Variants in KDM4C observed in about 807,000 individuals in gnomAD.
KDM4C encodes lysine demethylase 4C.
In KDM4C, 81 loss-of-function variants were observed where a neutral mutation model predicts 129.3. That is an observed-to-expected ratio of 0.63 (90% CI 0.52 to 0.75). KDM4C has a LOEUF of 0.75. KDM4C is among the 30% of genes least tolerant of loss of function. The pLI, the probability that KDM4C is intolerant of heterozygous loss-of-function variation, is 0.00. For synonymous variants in KDM4C, 573 were observed against 456.1 expected (o/e 1.26, Z -3.26); for missense variants, 1,457 against 1,304.0 (o/e 1.12, Z -1.81).
chr9:7,116,414 G>GAGGTTAAGTGGACCACCTA (rs1554749461), intron 18 of KDM4C, among the ~76,000 whole-genome samples: 1 of 151,518 alleles, frequency 6.6e-6, no homozygotes, highest in Non-Finnish European at 1.5e-5. Flanking sequence ...AACTTTAATT[G>GAGGTTAAGTGGACCACCTA]AGGTTATATG....
At chr9:6,916,691 C>G (rs1309926731) in intron 8 of KDM4C, among the ~76,000 whole-genome samples, 1 of 152,216 alleles carries the variant, frequency 6.6e-6, no homozygotes, top group African/African-American at 2.4e-5. Context: ...AAAGCCAGTT[C>G]TAACTTACAA....
chr9:7,158,176 T>C (rs961071029), intron 19 of KDM4C, among the ~76,000 whole-genome samples: 1 of 151,842 alleles, frequency 6.6e-6, no homozygotes, highest in African/African-American at 2.4e-5. Context: ...ATGGTAGTAT[T>C]CTCTGTGGGA....
At chr9:6,846,453 G>C (rs527291367) in intron 4 of KDM4C, among the ~76,000 whole-genome samples, 13 of 152,154 alleles carry the variant, frequency 8.5e-5, no homozygotes, top group Admixed American at 3.3e-4. Context: ...ACCTGGTACT[G>C]TTCAGAAGAG....
chr9:7,012,279 A>G (rs966742764), intron 13 of KDM4C, among the ~76,000 whole-genome samples: 3 of 152,012 alleles, frequency 2.0e-5, no homozygotes, highest in South Asian at 2.1e-4. Context: ...GGGTCTTACT[A>G]TGTTGCCTAG....
chr9:7,083,711 A>ATGTGTGTGTGTGTGTGTGTGTGTG (rs142609948), intron 17 of KDM4C, among the ~76,000 whole-genome samples: 1 of 143,224 alleles, frequency 7.0e-6, no homozygotes, highest in African/African-American at 2.6e-5. Context: ...CACATGACTG[A>ATGTGTGTGTGTGTGTGTGTGTGTG]TGTGTGTGTG....
intron 19 of KDM4C, among the ~76,000 whole-genome samples, chr9:7,139,819 C>G (rs1438153623): frequency 6.6e-6 from 1 of 152,164 alleles, no homozygotes; most frequent in Non-Finnish European, 1.5e-5. Context: ...GAGTCTGCAG[C>G]AACCTCAATT....
At chr9:6,850,035 A>AAATG (rs1301671102) in intron 5 of KDM4C, among the ~76,000 whole-genome samples, 1 of 152,224 alleles carries the variant, frequency 6.6e-6, no homozygotes, top group Non-Finnish European at 1.5e-5. Context: ...CTTTGTAGCT[A>AAATG]AATACTTTGT....
Position 6,842,501 on chromosome 9 carries a change from A to AT in KDM4C, c.436-6997dup, listed in dbSNP as rs1243328925. Among the ~76,000 whole-genome samples, 4 of 149,596 alleles carry AT rather than the reference A, an allele frequency of 2.7e-5. No individual in the cohort carries two copies. In the East Asian group the frequency reaches 5.9e-4, roughly 22 times the overall value. ...AGGCCCACACCACCACGCCTGGCTA[A>AT]TTTTTTTTTGTATTTTTAGTAGAGA... is the stretch of plus-strand genomic sequence containing the variant. On this transcript the variant is annotated intron_variant, in intron 4 of 21. Transcript: ENST00000381309.
intron 17 of KDM4C, among the ~76,000 whole-genome samples, chr9:7,053,306 C>T (rs1033351451): frequency 2.0e-5 from 3 of 152,180 alleles, no homozygotes; most frequent in African/African-American, 4.8e-5. Flanking sequence ...TGAAAAGCTC[C>T]TCTGGTAAAT....
At chr9:7,016,907 C>A (rs1194378052) in intron 15 of KDM4C, among the ~76,000 whole-genome samples, 3 of 152,106 alleles carry the variant, frequency 2.0e-5, no homozygotes, top group Admixed American at 6.6e-5. Context: ...TCCTCAGTGA[C>A]CCCTGAAGAA....
intron 17 of KDM4C, among the ~76,000 whole-genome samples, chr9:7,064,095 C>G (rs553521799): frequency 2.4e-4 from 36 of 152,264 alleles, no homozygotes; most frequent in African/African-American, 7.2e-4. Context: ...TCTGAAGCAG[C>G]TACATTTAAA....
At chr9:6,980,040 T>A (rs1435639022) in intron 8 of KDM4C, among the ~76,000 whole-genome samples, 6 of 152,198 alleles carry the variant, frequency 3.9e-5, no homozygotes, top group African/African-American at 1.4e-4. Flanking sequence ...GATAATTGTA[T>A]CACCAAGATA....
chr9:7,160,121 T>C (rs1256039324), intron 19 of KDM4C, among the ~76,000 whole-genome samples: 2 of 152,208 alleles, frequency 1.3e-5, no homozygotes, highest in African/African-American at 4.8e-5. Flanking sequence ...CTTGATCGAG[T>C]TGGCTGTTGA....
rs191932086 is a variant in KDM4C, at chr9:6,849,971, A to C, written c.629+271A>C. Among the ~76,000 whole-genome samples, 9 of 152,366 alleles carry C rather than the reference A, an allele frequency of 5.9e-5. No individual in the cohort carries two copies. In the East Asian group the frequency reaches 1.7e-3, roughly 29 times the overall value. ...GATACAACGGTCATCCTGAGTTTATAATGCAATTGAAAAATTCTTTTTCCA... is the reference window on the plus strand; with the variant it reads ...GATACAACGGTCATCCTGAGTTTATCATGCAATTGAAAAATTCTTTTTCCA... On this transcript the variant is annotated intron_variant, in intron 5 of 21. Transcript: ENST00000381309.
chr9:7,060,567 C>T (rs372416714), intron 17 of KDM4C, among the ~76,000 whole-genome samples: 3 of 151,462 alleles, frequency 2.0e-5, no homozygotes, highest in East Asian at 1.9e-4. Context: ...CTGCAACCTC[C>T]GCGTCCCGGG....
chr9:7,089,912 C>T (rs184559362), intron 17 of KDM4C, among the ~76,000 whole-genome samples: 38 of 152,340 alleles, frequency 2.5e-4, no homozygotes, highest in East Asian at 5.8e-4. Flanking sequence ...TGGCCGTCAG[C>T]TGGGTTCCAT....
intron 8 of KDM4C, 140 bp from the exon 9 acceptor site, chr9:6,980,785 A>T (rs1348731719): frequency 1.5e-6 from 1 of 667,268 alleles, no homozygotes; most frequent in African/African-American, 1.8e-5. Flanking sequence ...TTTATCACCC[A>T]TTGAATGTTT....
intron 5 of KDM4C, among the ~76,000 whole-genome samples, chr9:6,855,923 T>C (rs1187672514): frequency 1.3e-5 from 2 of 152,218 alleles, no homozygotes; most frequent in Admixed American, 1.3e-4. Context: ...TTCTTTTTTA[T>C]AGAGATGGGG....
chr9:6,797,171 A>G lies in KDM4C; in HGVS notation c.144+4039A>G, dbSNP rs186934758. Among the ~76,000 whole-genome samples, 87 of 151,728 alleles carry G rather than the reference A, an allele frequency of 5.7e-4. 1 individual carries two copies. ...ATTTTTTTTATTTTTTGTTTTTTGTAGAGATGGGGTCTGCTGTGTTACCCA... is the reference window on the plus strand; with the variant it reads ...ATTTTTTTTATTTTTTGTTTTTTGTGGAGATGGGGTCTGCTGTGTTACCCA... On this transcript the variant is annotated intron_variant, in intron 2 of 21. Coordinates refer to ENST00000381309, the MANE Select transcript of KDM4C (RefSeq NM_015061.6).
Sources: gnomAD v4.1 joint callset for allele counts (sites outside exome capture counted in the v4.1 genomes callset) on GRCh38, gnomAD v4.1.1 for gene constraint, MANE v1.5 for transcripts, NCBI Gene and HGNC (gene_info 2026-07-23, HGNC 2026-07-21) for gene names.